Variants in TRAPPC9 observed in about 807,000 individuals in gnomAD.
TRAPPC9 encodes trafficking protein particle complex subunit 9, also known as IKK2 binding protein.
Under a neutral mutation model 124.0 loss-of-function variants are expected in TRAPPC9, and 83 were observed. The observed-to-expected ratio is 0.67, with a 90% confidence interval of 0.56 to 0.80. TRAPPC9 has a LOEUF of 0.80. Ranked by LOEUF, TRAPPC9 falls within the 30% of genes least tolerant of loss-of-function variation. The probability of loss-of-function intolerance (pLI) is 0.00; values close to 1 mark genes in which losing one functional copy is unlikely to be tolerated. For missense variants in TRAPPC9, 1,302 were observed against 1,508.3 expected (o/e 0.86, Z 2.27); for synonymous variants, 638 against 617.5 (o/e 1.03, Z -0.49).
intron 17 of TRAPPC9, among the ~76,000 whole-genome samples, chr8:140,194,061 A>G (rs972096247): frequency 6.6e-6 from 1 of 152,170 alleles, no homozygotes; most frequent in African/African-American, 2.4e-5. Context: ...TTGTAACCCT[A>G]GCGCTCCCAG....
At chr8:139,731,850 G>C in intron 22 of TRAPPC9, 129 bp downstream of exon 22, 1 of 863,548 alleles carries the variant, frequency 1.2e-6, no homozygotes, top group Non-Finnish European at 1.9e-6. Context: ...GTGTGCACAC[G>C]TGACCACAGA....
At chr8:139,768,878 G>A (rs1563799834) in intron 21 of TRAPPC9, among the ~76,000 whole-genome samples, 1 of 152,168 alleles carries the variant, frequency 6.6e-6, no homozygotes. Flanking sequence ...AAAGTAAAAT[G>A]AGGCCCAAGA....
At chr8:140,280,739 C>G (rs957165259) in intron 14 of TRAPPC9, among the ~76,000 whole-genome samples, 2 of 152,066 alleles carry the variant, frequency 1.3e-5, no homozygotes, top group Admixed American at 1.3e-4. Flanking sequence ...CAGCCTGATA[C>G]CCAGTTTTAA....
At chr8:139,747,188 G>GC (rs913237497) in intron 21 of TRAPPC9, among the ~76,000 whole-genome samples, 1 of 152,120 alleles carries the variant, frequency 6.6e-6, no homozygotes, top group Non-Finnish European at 1.5e-5. Flanking sequence ...ACCCAGGCAG[G>GC]CCCCCCGCCC....
intron 18 of TRAPPC9, among the ~76,000 whole-genome samples, chr8:140,015,204 C>T (rs575509452): frequency 2.6e-5 from 4 of 152,144 alleles, no homozygotes; most frequent in Admixed American, 6.5e-5. Flanking sequence ...ATTGTCCATG[C>T]TGCAGTGGCC....
chr8:140,309,559 T>C (rs971119939), intron 10 of TRAPPC9, among the ~76,000 whole-genome samples: 1 of 152,252 alleles, frequency 6.6e-6, no homozygotes, highest in African/African-American at 2.4e-5. Context: ...ACACCCAGAA[T>C]GTTCTGTAAG....
intron 21 of TRAPPC9, among the ~76,000 whole-genome samples, chr8:139,753,600 C>T (rs867487461): frequency 8.5e-5 from 13 of 152,244 alleles, no homozygotes; most frequent in Admixed American, 1.3e-4. Flanking sequence ...TGCTGCAAGC[C>T]TTCTGTACTC....
intron 5 of TRAPPC9, among the ~76,000 whole-genome samples, chr8:140,410,141 CAAAAAAAAAAAAAAA>C (rs61149910): frequency 5.7e-5 from 4 of 70,218 alleles, no homozygotes; most frequent in Admixed American, 1.9e-4. Context: ...ACCTTGTCTC[CAAAAAAAAAAAAAAA>C]AAAAAAAAAA....
In TRAPPC9 at chr8:140,397,601, C is replaced by G; in HGVS notation, c.1134+19G>C. ...AGAACTGGATGAACTCTTCCACTTA[C>G]AGGTAGACATACACTCACCTGTCGA... On this transcript the variant is annotated intron_variant, in intron 7 of 22. Transcript: ENST00000438773. The G allele has an allele frequency of 1.2e-6, 2 of 1,613,684 alleles. No homozygotes were observed. The highest frequency in any genetic ancestry group is 1.7e-6 in the Non-Finnish European group (2 of 1,179,818).
intron 11 of TRAPPC9, 83 bp downstream of exon 11, chr8:140,300,386 C>T: frequency 2.5e-6 from 4 of 1,588,498 alleles, no homozygotes; most frequent in Non-Finnish European, 2.6e-6. Flanking sequence ...TGAACTGGCT[C>T]AAAATGCTGT....
At chr8:139,885,613 C>T (rs1009950465) in intron 21 of TRAPPC9, among the ~76,000 whole-genome samples, 1 of 152,226 alleles carries the variant, frequency 6.6e-6, no homozygotes, top group Non-Finnish European at 1.5e-5. Context: ...GCCTGCTGCA[C>T]CTGTTTCAAC....
intron 16 of TRAPPC9, among the ~76,000 whole-genome samples, chr8:140,235,307 T>A (rs1335457154): frequency 6.6e-6 from 1 of 152,114 alleles, no homozygotes; most frequent in South Asian, 2.1e-4. Flanking sequence ...AAATCTAATT[T>A]AAAAAATTGA....
intron 9 of TRAPPC9, among the ~76,000 whole-genome samples, chr8:140,322,081 G>A (rs2066610983): frequency 6.6e-6 from 1 of 152,182 alleles, no homozygotes; most frequent in South Asian, 2.1e-4. Context: ...CCTGTGGAAG[G>A]CTGGGGGCAG....
intron 21 of TRAPPC9, among the ~76,000 whole-genome samples, chr8:139,800,948 A>T (rs373591132): frequency 2.2e-4 from 9 of 41,134 alleles, no homozygotes; most frequent in Admixed American, 1.5e-3. Flanking sequence ...CCTTCCCTCC[A>T]TCCGGTACCT....
At chr8:140,405,810 A>T (rs2069468877) in intron 5 of TRAPPC9, 112 bp from the exon 6 acceptor site, 2 of 1,238,168 alleles carry the variant, frequency 1.6e-6, no homozygotes, top group African/African-American at 3.0e-5. Flanking sequence ...TGAAATTTAA[A>T]TAATGTAAGT....
intron 18 of TRAPPC9, among the ~76,000 whole-genome samples, chr8:140,008,293 C>T (rs1056976821): frequency 6.6e-6 from 1 of 152,204 alleles, no homozygotes; most frequent in Admixed American, 6.5e-5. Flanking sequence ...TGTTCTCCAG[C>T]CTCCTTTTCT....
chr8:139,815,258 G>A (rs1271953487), intron 21 of TRAPPC9, among the ~76,000 whole-genome samples: 2 of 152,228 alleles, frequency 1.3e-5, no homozygotes, highest in African/African-American at 4.8e-5. Flanking sequence ...TGTGGCAGAA[G>A]GTGCGTGTCA....
intron 21 of TRAPPC9, among the ~76,000 whole-genome samples, chr8:139,775,160 G>A (rs573581257): frequency 6.6e-6 from 1 of 152,268 alleles, no homozygotes; most frequent in African/African-American, 2.4e-5. Flanking sequence ...CCTCTGCACA[G>A]ACTCACATCC....
In TRAPPC9 at chr8:139,755,532, G is replaced by C. The variant is rs1420220892; in HGVS notation, c.3056-23330C>G. Among the ~76,000 whole-genome samples, 5 of 140,954 alleles carry C rather than the reference G, an allele frequency of 3.5e-5. No individual in the cohort carries two copies. The East Asian group carries it at 1.1e-3, about 30-fold the overall frequency. The allele number at this position is 140,954 out of a possible 152,430, so 92.5% of individuals were successfully genotyped here. A position where few individuals can be genotyped will look rare whatever the true frequency, so the allele number is the denominator to read the frequency against. ...GACAGCAGGTCGCAGGAGGAGCCAG[G>C]GTTTGGGGATGAGGACAGCAGGTCG... is the stretch of plus-strand genomic sequence containing the variant. On this transcript the variant is annotated intron_variant, in intron 21 of 22. Coordinates refer to ENST00000438773, the MANE Select transcript of TRAPPC9 (RefSeq NM_001160372.4).
Sources: gnomAD v4.1 joint callset for allele counts (sites outside exome capture counted in the v4.1 genomes callset) on GRCh38, gnomAD v4.1.1 for gene constraint, MANE v1.5 for transcripts, NCBI Gene and HGNC (gene_info 2026-07-23, HGNC 2026-07-21) for gene names.